Variants in MAPK10 observed in about 807,000 individuals in gnomAD.
MAPK10 encodes JNK3 alpha protein kinase.
In MAPK10, 25 loss-of-function variants were observed where a neutral mutation model predicts 59.3. The observed-to-expected ratio is 0.42, with a 90% CI of 0.31 to 0.59. The LOEUF is 0.59. MAPK10 is among the 20% of genes least tolerant of loss of function. The pLI, the probability that MAPK10 is intolerant of heterozygous loss-of-function variation, is 0.15. For synonymous variants in MAPK10, 190 were observed against 200.5 expected (o/e 0.95, Z 0.44); for missense variants, 351 against 568.9 (o/e 0.62, Z 3.90).
chr4:86,032,308 T>C (rs979280442), intron 11 of MAPK10: 16 of 151,822 alleles, frequency 1.1e-4, no homozygotes, highest in African/African-American at 3.9e-4. Flanking sequence ...CCATGGCGGC[T>C]AGGGTAGCTC....
chr4:86,037,744 A>C (rs546494712), intron 11 of MAPK10, among the ~76,000 whole-genome samples: 3 of 152,352 alleles, frequency 2.0e-5, no homozygotes, highest in African/African-American at 7.2e-5. Flanking sequence ...TCAAATGAGA[A>C]TATAGAAACT....
intron 3 of MAPK10, among the ~76,000 whole-genome samples, chr4:86,189,483 C>T (rs1357427176): frequency 6.6e-6 from 1 of 152,026 alleles, no homozygotes; most frequent in Non-Finnish European, 1.5e-5. Flanking sequence ...TAATTGTATT[C>T]CTAGGTATTT....
intron 1 of MAPK10, among the ~76,000 whole-genome samples, chr4:86,427,256 CAAA>C (rs576600795): frequency 0.012 from 1,141 of 93,738 alleles, 3 homozygotes; most frequent in African/African-American, 0.023. Flanking sequence ...GATTCTGTCT[CAAA>C]AAAAAAAAAA....
rs907524731 is a variant in MAPK10, at chr4:86,581,486, C to T, written c.-263+12424G>A. Among the ~76,000 whole-genome samples the T allele has an allele frequency of 2.0e-5, 3 of 151,854 alleles. 1 individual carries two copies. The Middle Eastern group carries it at 0.01, about 517-fold the overall frequency. ...TATTAGTGCTGTAATAAAATTAAGT[C>T]GAGATTCTTCAAAATTATATATGTT... On this transcript the variant is annotated intron_variant, in intron 1 of 4. Coordinates refer to the MAPK10 transcript ENST00000502302.
In MAPK10 at chr4:86,017,357, G is replaced by C; in HGVS notation, c.1266C>G (p.Asn422Lys). The C allele has an allele frequency of 6.2e-7, 1 of 1,614,106 alleles. No individual in the cohort carries two copies. The highest frequency in any genetic ancestry group is 1.1e-5 in the South Asian group (1 of 91,080). ...GQPSPSGAAVNSSESLPPSSS... is the reference protein window; with the variant it reads ...GQPSPSGAAVKSSESLPPSSS... ...AGGATGGAGGGAGACTCTCACTGCT[G>C]TTCACTGCTGCACCTGTGCTAAGAA... The change falls in exon 14 of 14, where the codon AAC becomes AAG. Residue 422 changes from asparagine to lysine, a missense_variant. Asn to Lys is a moderately conservative substitution (Grantham distance 94). Around this residue, in one of 5 missense-constraint regions of MAPK10, gnomAD observed 155 missense variants for 204.2 expected, o/e 0.76. Coordinates refer to ENST00000641462, the MANE Select transcript of MAPK10 (RefSeq NM_138982.4). The surrounding 1 kb of genome is among the most constrained non-coding windows in gnomAD (Gnocchi z 4.4).
intron 2 of MAPK10, among the ~76,000 whole-genome samples, chr4:86,299,917 G>C (rs1283296713): frequency 6.6e-6 from 1 of 151,654 alleles, no homozygotes; most frequent in African/African-American, 2.4e-5. Flanking sequence ...TTTTGAGATA[G>C]AGTCTTGCTC....
At chr4:86,532,027 AT>A (rs1309760673) in intron 1 of MAPK10, among the ~76,000 whole-genome samples, 1 of 148,944 alleles carries the variant, frequency 6.7e-6, no homozygotes, top group East Asian at 2.0e-4. Context: ...CTGTCTCTAA[AT>A]TTTTTTAATT....
chr4:86,080,474 T>C (rs935234019), intron 9 of MAPK10: 1 of 151,974 alleles, frequency 6.6e-6, no homozygotes, highest in African/African-American at 2.4e-5. Context: ...AAATTCTATA[T>C]CTAACTAAAC....
chr4:86,482,767 A>G (rs1171058226), intron 1 of MAPK10, among the ~76,000 whole-genome samples: 1 of 152,196 alleles, frequency 6.6e-6, no homozygotes, highest in African/African-American at 2.4e-5. Context: ...GAGGCCCAAG[A>G]GAATCAGGCA....
chr4:86,191,553 C>CTTTTTTTTTTTT (rs35357476), intron 3 of MAPK10: 8 of 30,412 alleles, frequency 2.6e-4, no homozygotes, highest in Non-Finnish European at 5.8e-4. Flanking sequence ...ACAACCCGTG[C>CTTTTTTTTTTTT]TTTTTTTTTT....
intron 9 of MAPK10, among the ~76,000 whole-genome samples, chr4:86,071,256 A>G (rs2149002756): frequency 6.6e-6 from 1 of 150,958 alleles, no homozygotes; most frequent in South Asian, 2.1e-4. Context: ...TTTTTCTTGT[A>G]AATTTGTTTG....
intron 2 of MAPK10, among the ~76,000 whole-genome samples, chr4:86,323,096 C>T (rs1242270511): frequency 6.6e-6 from 1 of 152,168 alleles, no homozygotes; most frequent in Non-Finnish European, 1.5e-5. Context: ...ATCTCTTGAA[C>T]CTGGGAGGCG....
chr4:86,136,791 T>A (rs933298276), intron 4 of MAPK10, among the ~76,000 whole-genome samples: 3 of 151,520 alleles, frequency 2.0e-5, no homozygotes, highest in Non-Finnish European at 2.9e-5. Context: ...AGGAAACCCA[T>A]CTCACGTGCA....
At chr4:86,484,791 CAT>C (rs1753864910) in intron 1 of MAPK10, among the ~76,000 whole-genome samples, 1 of 152,116 alleles carries the variant, frequency 6.6e-6, no homozygotes, top group Admixed American at 6.6e-5. Flanking sequence ...TGCAGAAAGA[CAT>C]ATAACTAAGT....
intron 1 of MAPK10, among the ~76,000 whole-genome samples, chr4:86,373,384 G>T (rs1739220984): frequency 6.6e-6 from 1 of 152,116 alleles, no homozygotes; most frequent in African/African-American, 2.4e-5. Flanking sequence ...AAAAGCAATA[G>T]CAACAAAAAC....
intron 1 of MAPK10, among the ~76,000 whole-genome samples, chr4:86,590,823 T>C (rs75773023): frequency 0.047 from 7,088 of 152,158 alleles, 222 homozygotes; most frequent in African/African-American, 0.061. Flanking sequence ...AAAATTATAC[T>C]GGATATATAA....
At chr4:86,128,401 C>A (rs1415936103) in intron 4 of MAPK10, among the ~76,000 whole-genome samples, 1 of 152,026 alleles carries the variant, frequency 6.6e-6, no homozygotes, top group Admixed American at 6.6e-5. Flanking sequence ...GTTTCCCCAT[C>A]CTGTTCTCAT....
At chr4:86,530,839 A>G (rs941445999) in intron 1 of MAPK10, among the ~76,000 whole-genome samples, 2 of 152,188 alleles carry the variant, frequency 1.3e-5, no homozygotes, top group Admixed American at 6.5e-5. Flanking sequence ...CCAAGAGAAA[A>G]TGCATCTTTT....
chr4:86,376,168 G>T (rs1739780651), intron 1 of MAPK10, among the ~76,000 whole-genome samples: 1 of 152,062 alleles, frequency 6.6e-6, no homozygotes, highest in African/African-American at 2.4e-5. Flanking sequence ...GCATCTCAAG[G>T]CTTATCTTTG....
Sources: gnomAD v4.1 joint callset for allele counts (sites outside exome capture counted in the v4.1 genomes callset) on GRCh38, gnomAD v4.1.1 for gene constraint, gnomAD v4.1.1 regional missense constraint, Gnocchi (gnomAD v3.1) non-coding constraint, MANE v1.5 for transcripts, NCBI Gene and HGNC (gene_info 2026-07-23, HGNC 2026-07-21) for gene names.